Variants in STK32B observed in about 807,000 individuals in gnomAD.
The protein encoded by STK32B is serine/threonine kinase 32B, also known as serine/threonine-protein kinase 32B.
A neutral mutation model predicts 52.6 loss-of-function variants in STK32B; 43 were observed. The observed-to-expected ratio is 0.82, with a 90% confidence interval of 0.64 to 1.05. The LOEUF (loss-of-function observed/expected upper bound fraction) is 1.05, where lower values mean the gene tolerates loss of function less well. Ranked by LOEUF, STK32B falls within the 50% of genes least tolerant of loss-of-function variation. The pLI is 0.00. For missense variants in STK32B, 621 were observed against 534.6 expected (o/e 1.16, Z -1.59); for synonymous variants, 238 against 204.3 (o/e 1.17, Z -1.41).
chr4:5,201,374 G>T (rs928286192), intron 3 of STK32B, among the ~76,000 whole-genome samples: 15 of 152,126 alleles, frequency 9.9e-5, no homozygotes, highest in South Asian at 6.2e-4. Flanking sequence ...ACAGGTTCGC[G>T]CAGGACTGCC....
chr4:5,104,606 A>G (rs1019995368), intron 1 of STK32B, among the ~76,000 whole-genome samples: 1 of 152,218 alleles, frequency 6.6e-6, no homozygotes, highest in Non-Finnish European at 1.5e-5. Context: ...CAGAAAGTGA[A>G]CATATACATG....
intron 1 of STK32B, among the ~76,000 whole-genome samples, chr4:5,107,586 T>C (rs865961321): frequency 1.3e-5 from 2 of 152,188 alleles, no homozygotes; most frequent in South Asian, 2.1e-4. Flanking sequence ...ATTGCTAGAA[T>C]TGATAATTAA....
intron 3 of STK32B, among the ~76,000 whole-genome samples, chr4:5,316,766 T>C (rs1237976264): frequency 1.1e-4 from 1 of 9,438 alleles, no homozygotes; most frequent in Non-Finnish European, 1.6e-4. Flanking sequence ...TCATATATAT[T>C]ATATATATTA....
chr4:5,334,166 G>T (rs1305676891), intron 4 of STK32B, among the ~76,000 whole-genome samples: 1 of 151,928 alleles, frequency 6.6e-6, no homozygotes, highest in East Asian at 1.9e-4. Context: ...GCAGTGGTTT[G>T]TAGTTCTCCT....
In STK32B at chr4:5,258,470, C is replaced by T. The variant is rs186018532; in HGVS notation, c.261-72750C>T. ...CACAGCCTCTCAGGGCTCACAGAGC[C>T]TGTGCCCTGCCTCCCTGTTGCAAGC... On this transcript the variant is annotated intron_variant, in intron 3 of 11. Coordinates refer to ENST00000282908, the MANE Select transcript of STK32B (RefSeq NM_018401.3). Among the ~76,000 whole-genome samples the T allele has an allele frequency of 4.1e-3, 622 of 152,306 alleles. 4 individuals carry two copies. Among genetic ancestry groups the T allele is most frequent in the Admixed American group, 6.5e-3 (99 of 15,300 alleles).
At chr4:5,430,165 A>G (rs1039743746) in intron 6 of STK32B, among the ~76,000 whole-genome samples, 4 of 152,106 alleles carry the variant, frequency 2.6e-5, no homozygotes, top group Admixed American at 6.5e-5. Flanking sequence ...CTCTGCAAAT[A>G]TATATATTTT....
At chr4:5,468,717 G>A (rs1339589386) in intron 11 of STK32B, among the ~76,000 whole-genome samples, 2 of 152,150 alleles carry the variant, frequency 1.3e-5, no homozygotes, top group South Asian at 2.1e-4. Context: ...CCCTCTAAGG[G>A]GCTGGTCAAC....
At chr4:5,147,581 C>G (rs1717011512) in intron 2 of STK32B, among the ~76,000 whole-genome samples, 1 of 151,984 alleles carries the variant, frequency 6.6e-6, no homozygotes, top group African/African-American at 2.4e-5. Flanking sequence ...TGCTCTTTAT[C>G]AAATTGAGCA....
chr4:5,235,532 A>G (rs764030549), intron 3 of STK32B, among the ~76,000 whole-genome samples: 36 of 152,218 alleles, frequency 2.4e-4, no homozygotes, highest in Non-Finnish European at 4.7e-4. Flanking sequence ...CGAATTAGCA[A>G]CTTTATCTGA....
In STK32B at chr4:5,492,444, G is replaced by T. The variant is rs868861936; in HGVS notation, c.1107-6501G>T. On this transcript the variant is annotated intron_variant, in intron 11 of 11. Transcript: ENST00000282908. ...TGATTTTGTATCCTGAGACTTTGCT[G>T]AAGTTGCTTATCAGCTTAAGGAGAT... Among the ~76,000 whole-genome samples, 975 of 152,216 alleles carry T rather than the reference G, an allele frequency of 6.4e-3. 10 individuals carry two copies. The highest frequency in any genetic ancestry group is 0.022 in the African/African-American group (913 of 41,518).
At chr4:5,381,632 C>T (rs942997426) in intron 4 of STK32B, among the ~76,000 whole-genome samples, 2 of 152,240 alleles carry the variant, frequency 1.3e-5, no homozygotes, top group African/African-American at 4.8e-5. Context: ...CTTCGCTACC[C>T]AGAGGTGTGG....
chr4:5,119,148 G>A (rs73089675), intron 1 of STK32B, among the ~76,000 whole-genome samples: 4,649 of 152,230 alleles, frequency 0.031, 240 homozygotes, highest in African/African-American at 0.11. Context: ...CTGGGAACGC[G>A]GGCTGCAGGC....
At chr4:5,136,696 T>C (rs6446324) in intron 1 of STK32B, among the ~76,000 whole-genome samples, 147,243 of 152,288 alleles carry the variant, frequency 0.97, 71,361 homozygotes, top group East Asian at 1. Context: ...CGTGACAGTA[T>C]GATTCTAGGA....
At chr4:5,318,714 A>G (rs1169523378) in intron 3 of STK32B, among the ~76,000 whole-genome samples, 1 of 152,204 alleles carries the variant, frequency 6.6e-6, no homozygotes, top group Admixed American at 6.5e-5. Context: ...CAAGTCCCTC[A>G]GGATGACCAG....
chr4:5,178,889 T>G (rs1187413128), intron 3 of STK32B, among the ~76,000 whole-genome samples: 2 of 152,330 alleles, frequency 1.3e-5, no homozygotes, highest in African/African-American at 4.8e-5. Flanking sequence ...TCTTCCTGTC[T>G]TCTTCTGAGC....
intron 3 of STK32B, among the ~76,000 whole-genome samples, chr4:5,186,791 C>A (rs773514960): frequency 6.6e-6 from 1 of 152,184 alleles, no homozygotes; most frequent in Non-Finnish European, 1.5e-5. Context: ...TATCTAGAGT[C>A]CCTCTCTCAT....
At chr4:5,068,048 C>G (rs1711534010) in intron 1 of STK32B, among the ~76,000 whole-genome samples, 1 of 152,076 alleles carries the variant, frequency 6.6e-6, no homozygotes, top group Admixed American at 6.6e-5. Flanking sequence ...GACACAAATC[C>G]AAACCATATC....
chr4:5,293,971 G>T (rs1180979529), intron 3 of STK32B, among the ~76,000 whole-genome samples: 1 of 152,096 alleles, frequency 6.6e-6, no homozygotes, highest in African/African-American at 2.4e-5. Context: ...TCTATAAGGT[G>T]TAAGGAAGGG....
At chr4:5,257,323 G>A (rs977938907) in intron 3 of STK32B, among the ~76,000 whole-genome samples, 1 of 152,062 alleles carries the variant, frequency 6.6e-6, no homozygotes, top group South Asian at 2.1e-4. Context: ...AGATGAGTGA[G>A]CAAGTGAATG....
Sources: allele counts gnomAD v4.1 joint callset (sites outside exome capture counted in the v4.1 genomes callset), GRCh38; gene constraint gnomAD v4.1.1; transcripts MANE v1.5; gene names NCBI Gene and HGNC (gene_info 2026-07-23, HGNC 2026-07-21).